The following TNFSF4 variants were observed in gnomAD, a reference collection of about 807,000 sequenced individuals.
TNFSF4 encodes the protein TNF superfamily member 4, also known as tumor necrosis factor ligand superfamily member 4.
In TNFSF4, 4 loss-of-function variants were observed where a neutral mutation model predicts 7.3. The ratio of observed to expected loss-of-function variants is 0.55; its 90% confidence interval spans 0.27 to 1.25. The LOEUF is 1.25. TNFSF4 is among the 50% of genes most tolerant of loss of function. The pLI is 0.12. For synonymous variants in TNFSF4, 76 were observed against 83.7 expected (o/e 0.91, Z 0.50); for missense variants, 181 against 208.8 (o/e 0.87, Z 0.82).
the TNFSF4 span, among the ~76,000 whole-genome samples, chr1:173,218,971 G>T: frequency 6.6e-6 from 1 of 152,100 alleles, no homozygotes; most frequent in African/African-American, 2.4e-5. Context: ...TTGGGAATAG[G>T]GTTGGGCAGA....
At chr1:173,348,047 G>A in the TNFSF4 span, among the ~76,000 whole-genome samples, 8 of 152,192 alleles carry the variant, frequency 5.3e-5, no homozygotes, top group African/African-American at 1.9e-4. Context: ...TGGAATGCAG[G>A]TAAAGCAGAA....
At chr1:173,375,738 G>A in the TNFSF4 span, among the ~76,000 whole-genome samples, 22 of 152,198 alleles carry the variant, frequency 1.4e-4, no homozygotes, top group African/African-American at 4.6e-4. Context: ...TAGAACATGC[G>A]AGGGGACAAA....
the TNFSF4 span, among the ~76,000 whole-genome samples, chr1:173,424,408 C>T: frequency 6.6e-6 from 1 of 152,174 alleles, no homozygotes; most frequent in African/African-American, 2.4e-5. Context: ...TGGAAACAGC[C>T]ATAAACAAGC....
chr1:173,380,060 C>T, the TNFSF4 span, among the ~76,000 whole-genome samples: 1 of 152,214 alleles, frequency 6.6e-6, no homozygotes, highest in African/African-American at 2.4e-5. Context: ...CTCCTGGACA[C>T]TGGCGTGGCC....
the TNFSF4 span, among the ~76,000 whole-genome samples, chr1:173,383,984 G>C: frequency 6.6e-6 from 1 of 152,330 alleles, no homozygotes; most frequent in South Asian, 2.1e-4. Context: ...TCGTCATCAT[G>C]ATGACCATCA....
the TNFSF4 span, among the ~76,000 whole-genome samples, chr1:173,251,071 T>G: frequency 2.0e-5 from 3 of 152,194 alleles, no homozygotes; most frequent in Non-Finnish European, 4.4e-5. Context: ...CTAAGCAGTC[T>G]GTCTTAAGCC....
Position 173,186,419 on chromosome 1 carries a change from G to A in TNFSF4, c.*97C>T, listed in dbSNP as rs1649226549. ...TTGTCACATCCCACGTGGCTGAGCT[G>A]GGAGGCTCCTTCACTTGCAATGAAG... is the stretch of plus-strand genomic sequence containing the variant. On this transcript the variant is annotated 3_prime_UTR_variant, in exon 3 of 3. Transcript: ENST00000281834. 3 of 1,006,860 alleles carry A rather than the reference G, an allele frequency of 3.0e-6. No individual in the cohort carries two copies. Among genetic ancestry groups the A allele is most frequent in the Middle Eastern group, 2.2e-4 (1 of 4,544 alleles). The allele number at this position is 1,006,860 out of a possible 1,614,324, so 62.4% of individuals were successfully genotyped here. A position where few individuals can be genotyped will look rare whatever the true frequency, so the allele number is the denominator to read the frequency against.
At chr1:173,402,851 G>A in the TNFSF4 span, among the ~76,000 whole-genome samples, 1 of 148,198 alleles carries the variant, frequency 6.7e-6, no homozygotes, top group Non-Finnish European at 1.5e-5. Context: ...CTGAGAATTT[G>A]CATTTTTTTT....
chr1:173,347,303 G>A, the TNFSF4 span, among the ~76,000 whole-genome samples: 1 of 152,228 alleles, frequency 6.6e-6, no homozygotes, highest in East Asian at 1.9e-4. Flanking sequence ...GAATCAGAGA[G>A]AGAACTCATA....
chr1:173,434,285 T>G, the TNFSF4 span, among the ~76,000 whole-genome samples: 1 of 152,264 alleles, frequency 6.6e-6, no homozygotes, highest in Non-Finnish European at 1.5e-5. Context: ...TACAAGTGCA[T>G]GTTAACTGTT....
chr1:173,181,685 G>A (rs138857694), downstream of TNFSF4, among the ~76,000 whole-genome samples: 6 of 152,244 alleles, frequency 3.9e-5, no homozygotes, highest in African/African-American at 4.8e-5. Flanking sequence ...GCCCTTAGTC[G>A]GAACTAGAGG....
the TNFSF4 span, among the ~76,000 whole-genome samples, chr1:173,369,778 G>A: frequency 6.6e-6 from 1 of 152,080 alleles, no homozygotes; most frequent in Non-Finnish European, 1.5e-5. Flanking sequence ...ATACTATCCT[G>A]CAGCTTGACC....
At chr1:173,377,095 T>TCA in the TNFSF4 span, among the ~76,000 whole-genome samples, 2 of 152,158 alleles carry the variant, frequency 1.3e-5, no homozygotes, top group Non-Finnish European at 2.9e-5. Flanking sequence ...ACTGTAACAC[T>TCA]CACTGTGAGC....
chr1:173,270,357 T>C, the TNFSF4 span, among the ~76,000 whole-genome samples: 3 of 152,082 alleles, frequency 2.0e-5, no homozygotes, highest in Admixed American at 6.6e-5. Context: ...GAGCTTGGAT[T>C]AGCTCACCTA....
At chr1:173,426,691 C>T in the TNFSF4 span, among the ~76,000 whole-genome samples, 1 of 152,208 alleles carries the variant, frequency 6.6e-6, no homozygotes, top group South Asian at 2.1e-4. Context: ...ACCTCCCGGG[C>T]TCAAGCAATT....
chr1:173,294,738 A>C, the TNFSF4 span, among the ~76,000 whole-genome samples: 2 of 152,078 alleles, frequency 1.3e-5, no homozygotes, highest in African/African-American at 2.4e-5. Context: ...GAGAAAAATC[A>C]GTGAAACTCA....
chr1:173,413,570 T>C, the TNFSF4 span, among the ~76,000 whole-genome samples: 3 of 152,136 alleles, frequency 2.0e-5, no homozygotes, highest in African/African-American at 7.2e-5. Context: ...GACTTGGTCA[T>C]AGAAGAGTCT....
At chr1:173,205,572 G>A (rs750435670) in intron 1 of TNFSF4, 235 of 1,249,226 alleles carry the variant, frequency 1.9e-4, no homozygotes, top group Middle Eastern at 3.1e-4. Flanking sequence ...ATCCCATGGT[G>A]TAAGGAAATA....
chr1:173,202,569 A>T (rs985361536), intron 1 of TNFSF4, among the ~76,000 whole-genome samples: 1 of 152,336 alleles, frequency 6.6e-6, no homozygotes, highest in Middle Eastern at 3.4e-3. Flanking sequence ...AGTGCTGTTC[A>T]GATTAGACTC....
Sources: gnomAD v4.1 joint callset for allele counts (sites outside exome capture counted in the v4.1 genomes callset) on GRCh38, gnomAD v4.1.1 for gene constraint, MANE v1.5 for transcripts, NCBI Gene and HGNC (gene_info 2026-07-23, HGNC 2026-07-21) for gene names.